LAMA2: variants seen among roughly 807,000 people sequenced by gnomAD.
The protein encoded by LAMA2 is laminin subunit alpha 2.
Under a neutral mutation model 364.8 loss-of-function variants are expected in LAMA2, and 269 were observed. The ratio of observed to expected loss-of-function variants is 0.74; its 90% CI spans 0.67 to 0.82. The LOEUF (loss-of-function observed/expected upper bound fraction) is 0.82, where lower values mean the gene tolerates loss of function less well. Ranked by LOEUF, LAMA2 falls within the 40% of genes least tolerant of loss-of-function variation. The pLI, the probability that LAMA2 is intolerant of heterozygous loss-of-function variation, is 0.00. For synonymous variants in LAMA2, 1,379 were observed against 1,370.6 expected, an observed-to-expected ratio of 1.01 and a Z score of -0.14; for missense variants, 3,807 against 3,873.2, an observed-to-expected ratio of 0.98 and a Z score of 0.45.
intron 12 of LAMA2, among the ~76,000 whole-genome samples, chr6:129,233,636 TC>T (rs1784808791): frequency 6.6e-6 from 1 of 152,148 alleles, no homozygotes; most frequent in African/African-American, 2.4e-5. Flanking sequence ...GAGGGGTTGG[TC>T]TTGCTGTCTC....
intron 1 of LAMA2, among the ~76,000 whole-genome samples, chr6:128,966,117 T>C (rs1041662875): frequency 6.6e-6 from 1 of 151,816 alleles, no homozygotes; most frequent in Admixed American, 6.6e-5. Context: ...ATTTTTAATA[T>C]TTAAATAGTC....
In LAMA2 at chr6:128,907,878, A is replaced by C. The variant is rs1305454067; in HGVS notation, c.112+24521A>C. Among the ~76,000 whole-genome samples, 3 of 152,192 alleles carry C rather than the reference A, an allele frequency of 2.0e-5. No individual in the cohort carries two copies. The East Asian group carries it at 5.8e-4, about 29-fold the overall frequency. ...GAATTTTGTCAACGGCCTTTTCTGCATCTATTGAGATAATCATGTGGTTTT... is the reference window on the plus strand; with the variant it reads ...GAATTTTGTCAACGGCCTTTTCTGCCTCTATTGAGATAATCATGTGGTTTT... On this transcript the variant is annotated intron_variant, in intron 1 of 64. Coordinates refer to ENST00000421865, the MANE Select transcript of LAMA2 (RefSeq NM_000426.4).
chr6:129,062,748 G>T (rs987520072), intron 3 of LAMA2, among the ~76,000 whole-genome samples: 2 of 152,100 alleles, frequency 1.3e-5, no homozygotes, highest in Non-Finnish European at 2.9e-5. Context: ...TTCAGCAAGA[G>T]ACTTGACCAT....
At chr6:128,888,341 T>TA (rs1180871189) in intron 1 of LAMA2, among the ~76,000 whole-genome samples, 2 of 152,126 alleles carry the variant, frequency 1.3e-5, no homozygotes, top group African/African-American at 2.4e-5. Flanking sequence ...GTAAAGAAGA[T>TA]AAAAAAATTC....
intron 1 of LAMA2, among the ~76,000 whole-genome samples, chr6:128,974,897 G>C (rs996331712): frequency 2.7e-5 from 4 of 150,540 alleles, no homozygotes; most frequent in Admixed American, 2.0e-4. Context: ...TGTTGCCCAG[G>C]CTGGAGTGCA....
intron 29 of LAMA2, among the ~76,000 whole-genome samples, chr6:129,334,159 C>T (rs957691930): frequency 6.6e-6 from 1 of 152,162 alleles, no homozygotes; most frequent in Non-Finnish European, 1.5e-5. Context: ...ACTGATTTCT[C>T]TTTTATGTGC....
chr6:129,116,077 T>C (rs1776462161), intron 4 of LAMA2, among the ~76,000 whole-genome samples: 1 of 152,010 alleles, frequency 6.6e-6, no homozygotes, highest in African/African-American at 2.4e-5. Flanking sequence ...GCTCTTTGAG[T>C]GGAGGAAAAG....
At chr6:129,207,103 G>A (rs1382534170) in intron 12 of LAMA2, among the ~76,000 whole-genome samples, 1 of 152,220 alleles carries the variant, frequency 6.6e-6, no homozygotes, top group Non-Finnish European at 1.5e-5. Flanking sequence ...CAGGAGCAGA[G>A]AGCATGCATG....
intron 40 of LAMA2, among the ~76,000 whole-genome samples, chr6:129,412,842 G>A (rs963165034): frequency 5.3e-5 from 8 of 152,304 alleles, no homozygotes; most frequent in Admixed American, 2.6e-4. Flanking sequence ...CCTGGACCAC[G>A]TCTGGTCTGA....
At chr6:129,234,050 A>G (rs1784836995) in intron 12 of LAMA2, among the ~76,000 whole-genome samples, 1 of 152,192 alleles carries the variant, frequency 6.6e-6, no homozygotes, top group Non-Finnish European at 1.5e-5. Context: ...GCCTGAAGCA[A>G]AGTTCTCACT....
intron 3 of LAMA2, among the ~76,000 whole-genome samples, chr6:129,063,491 T>C (rs1266594202): frequency 6.6e-6 from 1 of 152,076 alleles, no homozygotes; most frequent in Non-Finnish European, 1.5e-5. Context: ...AGAAAGCTGA[T>C]TGGCAGGCGG....
chr6:128,934,276 C>T (rs886877244), intron 1 of LAMA2, among the ~76,000 whole-genome samples: 3 of 151,930 alleles, frequency 2.0e-5, no homozygotes, highest in Non-Finnish European at 2.9e-5. Flanking sequence ...TGGGCTATTC[C>T]GTTTCATTGG....
rs774076852 is a variant in LAMA2, at chr6:129,503,116, A to T, written c.8383A>T (p.Thr2795Ser). 1 of 1,614,188 alleles carries T rather than the reference A, an allele frequency of 6.2e-7. No individual in the cohort carries two copies. Among genetic ancestry groups the T allele is most frequent in the Non-Finnish European group, 8.5e-7 (1 of 1,179,998 alleles). ...NRLTIELEVR[T>S]EAESGLLFYM... ...TCTCACAATTGAGTTGGAAGTAAGA[A>T]CCGAAGCTGAATCCGGCTTGCTTTT... Residue 2795 changes from threonine to serine, a missense_variant, in exon 60 of 65, where the codon ACC (threonine) becomes TCC (serine). Transcript: ENST00000421865.
chr6:129,466,091 A>C (rs1445018005), intron 51 of LAMA2, among the ~76,000 whole-genome samples: 1 of 151,984 alleles, frequency 6.6e-6, no homozygotes, highest in Non-Finnish European at 1.5e-5. Context: ...GTTTAAATTT[A>C]AATTTGTACC....
rs181298358 is a variant in LAMA2, at chr6:129,090,969, A to G, written c.397-7204A>G. On this transcript the variant is annotated intron_variant, in intron 3 of 64. Coordinates refer to ENST00000421865, the MANE Select transcript of LAMA2 (RefSeq NM_000426.4). Reference sequence around the variant, plus strand: ...CAATTTACTCCATGTTGCTTTTTTCATTTAACAATAAATCCCGCCATTCAT... The same window carrying G: ...CAATTTACTCCATGTTGCTTTTTTCGTTTAACAATAAATCCCGCCATTCAT... Among the ~76,000 whole-genome samples, 354 of 152,208 alleles carry G rather than the reference A, an allele frequency of 2.3e-3. 1 individual carries two copies. Among genetic ancestry groups the G allele is most frequent in the Middle Eastern group, 0.021 (6 of 292 alleles).
chr6:129,254,249 A>G (rs1349238803), intron 14 of LAMA2, among the ~76,000 whole-genome samples: 1 of 152,248 alleles, frequency 6.6e-6, no homozygotes, highest in Non-Finnish European at 1.5e-5. Flanking sequence ...AGGTTCCTCC[A>G]GTTAGTTATA....
At chr6:129,347,356 A>G (rs1296508554) in intron 30 of LAMA2, among the ~76,000 whole-genome samples, 1 of 152,144 alleles carries the variant, frequency 6.6e-6, no homozygotes, top group Non-Finnish European at 1.5e-5. Context: ...GAAGGTAGGC[A>G]CAATATTTAA....
Position 129,097,761 on chromosome 6 carries a change from A to G in LAMA2, c.397-412A>G, listed in dbSNP as rs370505702. Among the ~76,000 whole-genome samples, 4 of 152,198 alleles carry G rather than the reference A, an allele frequency of 2.6e-5. No individual in the cohort carries two copies. In the East Asian group the frequency reaches 5.8e-4, roughly 22 times the overall value. ...TTTGAGGATTATGTGATATAAGTAAACAAGTTTTCTAAACTATCAAGCACT... is the reference window on the plus strand; with the variant it reads ...TTTGAGGATTATGTGATATAAGTAAGCAAGTTTTCTAAACTATCAAGCACT... On this transcript the variant is annotated intron_variant, in intron 3 of 64. Transcript: ENST00000421865.
At chr6:129,108,950 A>T (rs890126571) in intron 4 of LAMA2, among the ~76,000 whole-genome samples, 1 of 152,178 alleles carries the variant, frequency 6.6e-6, no homozygotes, top group African/African-American at 2.4e-5. Flanking sequence ...CAGGAGATCC[A>T]ATAGAAGCTA....
Sources: gnomAD v4.1 joint callset for allele counts (sites outside exome capture counted in the v4.1 genomes callset) on GRCh38, gnomAD v4.1.1 for gene constraint, MANE v1.5 for transcripts, NCBI Gene and HGNC (gene_info 2026-07-23, HGNC 2026-07-21) for gene names.